DECR1: variants seen among roughly 807,000 people sequenced by gnomAD.
The protein encoded by DECR1 is 2,4-dienoyl-CoA reductase [(3E)-enoyl-CoA-producing], mitochondrial.
A neutral mutation model predicts 38.8 loss-of-function variants in DECR1; 44 were observed. The observed-to-expected ratio is 1.13, with a 90% CI of 0.89 to 1.46. DECR1 has a LOEUF of 1.46. Ranked by LOEUF, DECR1 falls within the 40% of genes most tolerant of loss-of-function variation. The probability of loss-of-function intolerance (pLI) is 0.00; values close to 1 mark genes in which losing one functional copy is unlikely to be tolerated. For missense variants in DECR1, 428 were observed against 405.5 expected (o/e 1.06, Z -0.48); for synonymous variants, 148 against 135.2 (o/e 1.09, Z -0.66).
At chr8:90,018,806 A>G in intron 2 of DECR1, 103 bp from the exon 3 acceptor site, 1 of 914,462 alleles carries the variant, frequency 1.1e-6, no homozygotes, top group South Asian at 1.4e-5. Context: ...TAACATCTAT[A>G]CTTTCTCAGA....
Position 90,017,315 on chromosome 8 carries a change from GAT to G in DECR1, c.263_264del (p.Ile88SerfsTer22). ...LLSSLGAQCVIASRKMDVLKA... is the reference protein window; with the variant it reads ...LLSSLGAQCVXASRKMDVLKA... ...TGTCCAGCCTAGGTGCTCAGTGCGT[GAT>G]AGCCAGCCGGTAAGTCCCTTACATC... On this transcript the variant is annotated frameshift_variant, in exon 2 of 10. Coordinates refer to ENST00000220764, the MANE Select transcript of DECR1 (RefSeq NM_001359.2). LOFTEE classifies it high-confidence loss of function. 1 of 1,613,928 alleles carries G rather than the reference GAT, an allele frequency of 6.2e-7. No individual in the cohort carries two copies. The highest frequency in any genetic ancestry group is 8.5e-7 in the Non-Finnish European group (1 of 1,179,944).
intron 1 of DECR1, among the ~76,000 whole-genome samples, chr8:90,002,455 G>A (rs1255851222): frequency 6.6e-6 from 1 of 152,114 alleles, no homozygotes; most frequent in Non-Finnish European, 1.5e-5. Context: ...TAGCTAGGAA[G>A]TGAAAACAGC....
rs372463312 is a variant in DECR1, at chr8:90,051,650, C to T, written c.886-27C>T. ...GAAACTTTTTAAAAGGAGTTAGTTT[C>T]AGAGTTTAAAAATTTGTTTTTTCCA... is the stretch of plus-strand genomic sequence containing the variant. On this transcript the variant is annotated intron_variant, in intron 8 of 9. Transcript: ENST00000220764. 9.3e-5 allele frequency: 149 copies of T among 1,593,830 alleles called. 1 individual carries two copies. In the African/African-American group the frequency reaches 1.5e-3, roughly 17 times the overall value.
rs558858025 is a variant in DECR1, at chr8:90,015,800, A to G, written c.70-1324A>G. 102 of 323,704 alleles carry G rather than the reference A, an allele frequency of 3.2e-4. 1 individual carries two copies. Among genetic ancestry groups the G allele is most frequent in the South Asian group, 2.5e-3 (93 of 37,712 alleles). The allele number at this position is 323,704 out of a possible 1,614,324, so 20.1% of individuals were successfully genotyped here. ...AGACAGAGGAATATGCAAGCTGGTT[A>G]TCAGAGAAGGCTCTGGAGCCTGTCA... On this transcript the variant is annotated intron_variant, in intron 1 of 9. Coordinates refer to ENST00000220764, the MANE Select transcript of DECR1 (RefSeq NM_001359.2).
intron 1 of DECR1, among the ~76,000 whole-genome samples, chr8:90,004,347 A>G (rs1207553331): frequency 6.6e-6 from 1 of 151,508 alleles, no homozygotes; most frequent in Non-Finnish European, 1.5e-5. Context: ...ATTCTATCTC[A>G]AAAAGAAAAA....
At chr8:90,038,400 A>C (rs952672338) in intron 6 of DECR1, among the ~76,000 whole-genome samples, 1 of 151,934 alleles carries the variant, frequency 6.6e-6, no homozygotes, top group African/African-American at 2.4e-5. Flanking sequence ...AATAGATTCT[A>C]AAATGAAGGT....
chr8:90,003,611 T>G (rs888582306), intron 1 of DECR1, among the ~76,000 whole-genome samples: 9 of 152,218 alleles, frequency 5.9e-5, no homozygotes, highest in Non-Finnish European at 1.3e-4. Context: ...GCCTTCAATG[T>G]ACTATAGTCT....
Position 90,027,455 on chromosome 8 carries a change from T to C in DECR1, c.565+6399T>C, listed in dbSNP as rs144105245. ...GGATAGTTAGCTCTTCCTGTTGAAT[T>C]GATCCCTTTATCATTATATAATGGC... is the stretch of plus-strand genomic sequence containing the variant. On this transcript the variant is annotated intron_variant, in intron 5 of 9. Transcript: ENST00000220764. 5.6e-3 allele frequency among the ~76,000 whole-genome samples: 853 copies of C among 152,316 alleles called. 8 individuals are homozygous for C. The highest frequency in any genetic ancestry group is 0.02 in the African/African-American group (811 of 41,570).
intron 1 of DECR1, among the ~76,000 whole-genome samples, chr8:90,013,896 A>G (rs1175371747): frequency 6.6e-6 from 1 of 152,202 alleles, no homozygotes; most frequent in Admixed American, 6.5e-5. Flanking sequence ...GATTAAAAGT[A>G]TGATCATGTC....
chr8:90,019,267 T>C, intron 4 of DECR1, 95 bp downstream of exon 4: 1 of 1,059,338 alleles, frequency 9.4e-7, no homozygotes, highest in South Asian at 1.4e-5. Flanking sequence ...GATACTGATG[T>C]AGGACAGGCA....
intron 8 of DECR1, among the ~76,000 whole-genome samples, chr8:90,045,843 G>A (rs1406903988): frequency 1.3e-5 from 2 of 152,172 alleles, no homozygotes. Context: ...GCTTCCAGAG[G>A]AAGGATCAGG....
At chr8:90,010,188 A>G (rs2130013890) in intron 1 of DECR1, among the ~76,000 whole-genome samples, 1 of 152,292 alleles carries the variant, frequency 6.6e-6, no homozygotes, top group Non-Finnish European at 1.5e-5. Context: ...AGGAGCAGGC[A>G]GATGTGCTTA....
intron 6 of DECR1, among the ~76,000 whole-genome samples, chr8:90,037,823 A>G (rs7822786): frequency 6.6e-6 from 1 of 151,924 alleles, no homozygotes; most frequent in African/African-American, 2.4e-5. Context: ...TCATCATTTC[A>G]TTGCTTGTCT....
chr8:90,016,203 C>T (rs902613829), intron 1 of DECR1, among the ~76,000 whole-genome samples: 26 of 152,148 alleles, frequency 1.7e-4, no homozygotes, highest in African/African-American at 5.8e-4. Context: ...TGGCCAGAAG[C>T]TAGCATGGGA....
At chr8:90,009,310 T>G (rs1777716111) in intron 1 of DECR1, among the ~76,000 whole-genome samples, 1 of 152,230 alleles carries the variant, frequency 6.6e-6, no homozygotes, top group African/African-American at 2.4e-5. Flanking sequence ...TTCACGTCTT[T>G]GCTCCAATGT....
chr8:90,007,555 TG>T (rs1293944945), intron 1 of DECR1, among the ~76,000 whole-genome samples: 12 of 147,980 alleles, frequency 8.1e-5, no homozygotes, highest in African/African-American at 2.8e-4. Flanking sequence ...GGGCAGGTGG[TG>T]GGGGTGGGGT....
At chr8:90,045,055 C>A in intron 8 of DECR1, 60 bp downstream of exon 8, 2 of 1,575,674 alleles carry the variant, frequency 1.3e-6, no homozygotes, top group Non-Finnish European at 1.7e-6. Flanking sequence ...GCAGGGAGGT[C>A]TGTTGTGGAA....
chr8:90,031,678 C>A (rs1231480802), intron 5 of DECR1, among the ~76,000 whole-genome samples: 4 of 151,976 alleles, frequency 2.6e-5, no homozygotes, highest in African/African-American at 9.7e-5. Flanking sequence ...GTGCCCTCAT[C>A]AAAAAGACAG....
Position 90,017,244 on chromosome 8 carries a change from A to G in DECR1, c.190A>G (p.Ile64Val), listed in dbSNP as rs2130044858. 2 of 1,614,192 alleles carry G rather than the reference A, an allele frequency of 1.2e-6. No individual in the cohort carries two copies. Among genetic ancestry groups the G allele is most frequent in the East Asian group, 2.2e-5 (1 of 44,882 alleles). The stretch of plus-strand genomic sequence containing the variant: ...TAGTTTTCAAGGAAAAGTGGCATTC[A>G]TTACTGGGGGAGGTACTGGCCTTGG... ...PNSFQGKVAF[I>V]TGGGTGLGKG... The change falls in exon 2 of 10, where the codon ATT becomes GTT. Residue 64 changes from isoleucine (I) to valine (V), a missense_variant. Transcript: ENST00000220764.
Sources: allele counts gnomAD v4.1 joint callset (sites outside exome capture counted in the v4.1 genomes callset), GRCh38; gene constraint gnomAD v4.1.1; transcripts MANE v1.5; gene names NCBI Gene and HGNC (gene_info 2026-07-23, HGNC 2026-07-21).